Variants in TENM2 observed in about 807,000 individuals in gnomAD.
TENM2 encodes teneurin-2.
TENM2 carries 52 observed loss-of-function variants against 245.2 expected under a neutral mutation model. That is an observed-to-expected ratio of 0.21 (90% confidence interval 0.17 to 0.27). The LOEUF is 0.27. Among genes scored for constraint, TENM2 ranks in the 10% least tolerant of loss-of-function variants. The pLI, the probability that TENM2 is intolerant of heterozygous loss-of-function variation, is 1.00. For missense variants in TENM2, 3,046 were observed against 3,666.8 expected (o/e 0.83, Z 4.37); for synonymous variants, 1,363 against 1,438.9 (o/e 0.95, Z 1.19).
chr5:168,091,922 G>T (rs1792977750), intron 8 of TENM2, among the ~76,000 whole-genome samples: 1 of 152,176 alleles, frequency 6.6e-6, no homozygotes, highest in Non-Finnish European at 1.5e-5. Context: ...GCTGTGAAAA[G>T]GTAATGACCA....
the TENM2 span, among the ~76,000 whole-genome samples, chr5:167,176,787 G>T: frequency 2.5e-3 from 374 of 152,286 alleles, 2 homozygotes; most frequent in African/African-American, 8.7e-3. Context: ...CTATAAAAAA[G>T]ATATCAATAT....
At chr5:168,211,506 G>A (rs1762801327) in intron 19 of TENM2, among the ~76,000 whole-genome samples, 1 of 152,222 alleles carries the variant, frequency 6.6e-6, no homozygotes, top group Non-Finnish European at 1.5e-5. Context: ...TTGCTGATGA[G>A]AGAATTCAAG....
chr5:168,204,354 A>G lies in TENM2; in HGVS notation c.3575-18A>G. ...CCAGAGGGCTTCAGTAACCCCTCCCATTCTCCAACCCCCACAGGAATCCTA... is the reference window on the plus strand; with the variant it reads ...CCAGAGGGCTTCAGTAACCCCTCCCGTTCTCCAACCCCCACAGGAATCCTA... On this transcript the variant is annotated intron_variant, in intron 18 of 28. Transcript: ENST00000518659. 1 of 1,606,984 alleles carries G rather than the reference A, an allele frequency of 6.2e-7. No homozygotes were observed. The highest frequency in any genetic ancestry group is 8.5e-7 in the Non-Finnish European group (1 of 1,174,894).
intron 2 of TENM2, among the ~76,000 whole-genome samples, chr5:167,494,207 C>T (rs1048300821): frequency 2.6e-5 from 4 of 151,932 alleles, no homozygotes; most frequent in African/African-American, 4.8e-5. Flanking sequence ...ACAAGATGAC[C>T]GCTATCACCA....
the TENM2 span, among the ~76,000 whole-genome samples, chr5:167,177,057 C>A: frequency 2.0e-5 from 3 of 152,144 alleles, no homozygotes; most frequent in Non-Finnish European, 4.4e-5. Context: ...TAGTTAATCA[C>A]ATTAATGATG....
chr5:168,238,268 A>AGAAAGGAAAAGAAAG (rs1554230375), intron 25 of TENM2, among the ~76,000 whole-genome samples: 1 of 120,830 alleles, frequency 8.3e-6, no homozygotes, highest in Admixed American at 9.1e-5. Context: ...AGAAAAGAAA[A>AGAAAGGAAAAGAAAG]GAAAAGAAAA....
chr5:167,883,312 T>C (rs1484459804), intron 3 of TENM2, among the ~76,000 whole-genome samples: 1 of 152,238 alleles, frequency 6.6e-6, no homozygotes, highest in African/African-American at 2.4e-5. Flanking sequence ...ATGTACCAAA[T>C]AGAGATCAGA....
chr5:167,208,042 C>T, the TENM2 span, among the ~76,000 whole-genome samples: 1 of 152,194 alleles, frequency 6.6e-6, no homozygotes, highest in African/African-American at 2.4e-5. Context: ...GCGTGAGCCA[C>T]CACACCCGGC....
chr5:168,147,924 G>A lies in TENM2; in HGVS notation c.2423-14687G>A, dbSNP rs1168814985. Reference sequence around the variant, plus strand: ...GCTAAATGCTGGTGGTATGGAATTGGGAACATGTACCAAGTAAAGACAGAG... The same window carrying A: ...GCTAAATGCTGGTGGTATGGAATTGAGAACATGTACCAAGTAAAGACAGAG... On this transcript the variant is annotated intron_variant, in intron 12 of 28. Transcript: ENST00000518659. 2.0e-5 allele frequency among the ~76,000 whole-genome samples: 3 copies of A among 152,310 alleles called. No individual in the cohort carries two copies. In the East Asian group the frequency reaches 5.8e-4, roughly 29 times the overall value.
intron 3 of TENM2, among the ~76,000 whole-genome samples, chr5:167,916,719 G>T (rs1057438682): frequency 1.3e-5 from 2 of 152,020 alleles, no homozygotes; most frequent in African/African-American, 2.4e-5. Context: ...AGGGAGGGAG[G>T]CCCCAGAACC....
the TENM2 span, among the ~76,000 whole-genome samples, chr5:167,056,904 T>A: frequency 1.2e-4 from 18 of 151,832 alleles, no homozygotes; most frequent in African/African-American, 2.9e-4. Context: ...CAGTCATTAT[T>A]GCTTCAAATA....
At chr5:168,011,337 C>T (rs1785206367) in intron 5 of TENM2, among the ~76,000 whole-genome samples, 1 of 152,140 alleles carries the variant, frequency 6.6e-6, no homozygotes, top group Non-Finnish European at 1.5e-5. Context: ...GCCCTGAGAA[C>T]ATTTATTTGG....
intron 2 of TENM2, among the ~76,000 whole-genome samples, chr5:167,423,152 A>G (rs1024743206): frequency 6.6e-6 from 1 of 151,550 alleles, no homozygotes; most frequent in Non-Finnish European, 1.5e-5. Context: ...CTATTTTTTC[A>G]TTTTCTTTTT....
At chr5:167,143,679 T>G in the TENM2 span, among the ~76,000 whole-genome samples, 2 of 152,170 alleles carry the variant, frequency 1.3e-5, no homozygotes, top group Non-Finnish European at 2.9e-5. Flanking sequence ...GCAAATAGTT[T>G]TTAGAACAAA....
chr5:166,992,435 C>T, the TENM2 span, among the ~76,000 whole-genome samples: 5 of 152,086 alleles, frequency 3.3e-5, no homozygotes, highest in African/African-American at 4.8e-5. Flanking sequence ...TATGGAGCTA[C>T]TTGGATTTTC....
intron 2 of TENM2, chr5:167,755,290 C>G: frequency 1.2e-6 from 1 of 838,846 alleles, no homozygotes; most frequent in Middle Eastern, 2.4e-4. Flanking sequence ...CAGCGGATAC[C>G]AAGGGAGAGA....
intron 1 of TENM2, among the ~76,000 whole-genome samples, chr5:167,365,136 TATCA>T (rs1561897128): frequency 6.6e-6 from 1 of 152,042 alleles, no homozygotes; most frequent in Non-Finnish European, 1.5e-5. Context: ...TAGAAATCGG[TATCA>T]ATCAGACAAG....
At chr5:167,723,431 T>C (rs1012044965) in intron 2 of TENM2, among the ~76,000 whole-genome samples, 1 of 152,188 alleles carries the variant, frequency 6.6e-6, no homozygotes, top group African/African-American at 2.4e-5. Context: ...TCCTCCTTCA[T>C]TCATAAGTGC....
At chr5:168,230,605 C>T (rs1764781884) in intron 25 of TENM2, among the ~76,000 whole-genome samples, 1 of 152,116 alleles carries the variant, frequency 6.6e-6, no homozygotes, top group Non-Finnish European at 1.5e-5. Context: ...GCTGTCTCAC[C>T]ATTGGCAAGA....
Sources: gnomAD v4.1 joint callset for allele counts (sites outside exome capture counted in the v4.1 genomes callset) on GRCh38, gnomAD v4.1.1 for gene constraint, MANE v1.5 for transcripts, NCBI Gene and HGNC (gene_info 2026-07-23, HGNC 2026-07-21) for gene names.